The following BRCA1 variants were observed in gnomAD, a reference collection of about 807,000 sequenced individuals.
The protein encoded by BRCA1 is breast cancer type 1 susceptibility protein.
In BRCA1, 140 loss-of-function variants were observed where a neutral mutation model predicts 173.7. That is an observed-to-expected ratio of 0.81 (90% CI 0.70 to 0.93). The LOEUF (loss-of-function observed/expected upper bound fraction) is 0.93, where lower values mean the gene tolerates loss of function less well. Ranked by LOEUF, BRCA1 falls within the 40% of genes least tolerant of loss-of-function variation. BRCA1 has a pLI of 0.00. For missense variants in BRCA1, 1,983 were observed against 2,172.5 expected, an observed-to-expected ratio of 0.91 and a Z score of 1.73; for synonymous variants, 662 against 756.0, an observed-to-expected ratio of 0.88 and a Z score of 2.04.
intron 19 of BRCA1, among the ~76,000 whole-genome samples, chr17:43,054,583 G>A (rs190107337): frequency 1.4e-3 from 217 of 152,074 alleles, no homozygotes; most frequent in Non-Finnish European, 2.5e-3. Context: ...GGGAATACAA[G>A]AGTGTGCTAC....
chr17:43,125,066 G>A, intron 1 of BRCA1: 1 of 441,390 alleles, frequency 2.3e-6, no homozygotes. Context: ...CGGACACTCA[G>A]TGCCCCCTTC....
intron 1 of BRCA1, chr17:43,131,293 T>A: frequency 2.1e-6 from 1 of 481,378 alleles, no homozygotes; most frequent in Non-Finnish European, 4.1e-6. Flanking sequence ...ATGGTACTTA[T>A]TGCTAGGTGT....
chr17:43,045,080 A>G lies in BRCA1; in HGVS notation c.*598T>C. 1.9e-6 allele frequency: 1 copy of G among 525,408 alleles called. No homozygotes were observed. The highest frequency in any genetic ancestry group is 3.7e-6 in the Non-Finnish European group (1 of 270,780). The allele number at this position is 525,408 out of a possible 1,614,324, so 32.5% of individuals were successfully genotyped here. On this transcript the variant is annotated 3_prime_UTR_variant, in exon 23 of 23. Coordinates refer to ENST00000357654, the MANE Select transcript of BRCA1 (RefSeq NM_007294.4). Reference sequence around the variant, plus strand: ...TGGCCTCCCAAAGTGCTGGGATTACAGGCGTGAGCCACCATGCCCAGGTTT... The same window carrying G: ...TGGCCTCCCAAAGTGCTGGGATTACGGGCGTGAGCCACCATGCCCAGGTTT...
intron 14 of BRCA1, among the ~76,000 whole-genome samples, chr17:43,072,151 G>A (rs952380003): frequency 3.9e-5 from 6 of 152,020 alleles, no homozygotes; most frequent in East Asian, 3.9e-4. Flanking sequence ...ACTTTGGGAG[G>A]CCAAGGTGGG....
intron 2 of BRCA1, among the ~76,000 whole-genome samples, chr17:43,121,947 AC>A (rs1425874288): frequency 6.6e-6 from 1 of 152,208 alleles, no homozygotes; most frequent in African/African-American, 2.4e-5. Flanking sequence ...TTTCCTGATC[AC>A]TGATTGTCAT....
intron 6 of BRCA1, among the ~76,000 whole-genome samples, chr17:43,103,360 A>G (rs2154546761): frequency 6.6e-6 from 1 of 151,896 alleles, no homozygotes; most frequent in Non-Finnish European, 1.5e-5. Context: ...CCAACTACTC[A>G]GGAGGCTGAG....
chr17:43,060,303 A>G (rs1185311724), intron 18 of BRCA1, among the ~76,000 whole-genome samples: 1 of 151,874 alleles, frequency 6.6e-6, no homozygotes, highest in Non-Finnish European at 1.5e-5. Context: ...TGACCTCCCA[A>G]AGTGCTGGGA....
rs190843374 is a variant in BRCA1 at position 43,159,517 on chromosome 17, G to A, written c.-20+10609C>T. On this transcript the variant is annotated intron_variant, in intron 1 of 7. Transcript: ENST00000634433. ...GGAGGGGCTCCTCACTTCTCAGACG[G>A]GGCGGTTGCCAGGTAGAGGGTCTCC... The A allele has an allele frequency of 2.4e-3, 450 of 186,878 alleles. 2 individuals carry two copies. Among genetic ancestry groups the A allele is most frequent in the African/African-American group, 0.01 (429 of 41,874 alleles). The allele number at this position is 186,878 out of a possible 1,614,324, so 11.6% of individuals were successfully genotyped here. A position where few individuals can be genotyped will look rare whatever the true frequency, so the allele number is the denominator to read the frequency against.
intron 14 of BRCA1, among the ~76,000 whole-genome samples, chr17:43,073,247 G>GA (rs1056299022): frequency 1.3e-5 from 2 of 151,496 alleles, no homozygotes; most frequent in African/African-American, 4.8e-5. Context: ...TGTAAGAAAG[G>GA]AAAAAAAAGT....
At chr17:43,082,798 C>T (rs2053081838) in intron 11 of BRCA1, 2 of 581,378 alleles carry the variant, frequency 3.4e-6, no homozygotes, top group East Asian at 5.8e-5. Flanking sequence ...CCTCAAATTC[C>T]CCCAAATAGA....
At position 43,044,527 on chromosome 17, in the gene BRCA1, G is replaced by T; in HGVS notation, c.*1151C>A. 2.0e-6 allele frequency: 1 copy of T among 506,264 alleles called. No homozygotes were observed. The highest frequency in any genetic ancestry group is 3.9e-6 in the Non-Finnish European group (1 of 258,446). 31.4% of individuals were successfully genotyped at this position (506,264 alleles called of 1,614,324 possible). On this transcript the variant is annotated 3_prime_UTR_variant, in exon 23 of 23. Transcript: ENST00000357654. The stretch of plus-strand genomic sequence containing the variant: ...TATGGTTTCAGCAACAGGGAGCAAA[G>T]GAAAAAAATCACCTCAAAGAAAGCA...
intron 18 of BRCA1, among the ~76,000 whole-genome samples, chr17:43,059,185 C>T (rs369133299): frequency 7.9e-5 from 12 of 152,158 alleles, no homozygotes; most frequent in African/African-American, 1.9e-4. Flanking sequence ...TGCATCTGGC[C>T]GGGCACAGTG....
intron 22 of BRCA1, 31 bp from the exon 23 acceptor site, chr17:43,045,833 T>C (rs2152617455): frequency 6.2e-7 from 1 of 1,614,020 alleles, no homozygotes; most frequent in South Asian, 1.1e-5. Flanking sequence ...CAGAGATTAG[T>C]GTCAATTCAT....
chr17:43,111,647 C>T (rs1004936604), intron 3 of BRCA1, among the ~76,000 whole-genome samples: 1 of 151,992 alleles, frequency 6.6e-6, no homozygotes, highest in African/African-American at 2.4e-5. Context: ...CGGTGAAACC[C>T]TTTCTCTACT....
intron 12 of BRCA1, among the ~76,000 whole-genome samples, chr17:43,076,877 C>A (rs1292034698): frequency 1.3e-5 from 2 of 150,904 alleles, no homozygotes; most frequent in South Asian, 2.1e-4. Context: ...CCAGCTGAGA[C>A]AAGGCTGAAA....
At chr17:43,087,016 AAGATTT>A (rs2053254515) in intron 11 of BRCA1, among the ~76,000 whole-genome samples, 2 of 152,332 alleles carry the variant, frequency 1.3e-5, no homozygotes, top group African/African-American at 2.4e-5. Flanking sequence ...ATAGCAATGC[AAGATTT>A]AGATTTTAAA....
At chr17:43,150,187 G>A (rs187493797) in intron 1 of BRCA1, among the ~76,000 whole-genome samples, 9 of 152,216 alleles carry the variant, frequency 5.9e-5, no homozygotes, top group African/African-American at 2.2e-4. Flanking sequence ...ATGGGTCACT[G>A]CAGCCTGAAC....
At position 43,054,845 on chromosome 17, in the gene BRCA1, C is replaced by T. The variant is rs141245498; in HGVS notation, c.5277+2207G>A. 1.6e-3 allele frequency among the ~76,000 whole-genome samples: 250 copies of T among 151,992 alleles called. 1 individual carries two copies. The highest frequency in any genetic ancestry group is 5.3e-3 in the African/African-American group (221 of 41,470). On this transcript the variant is annotated intron_variant, in intron 19 of 22. Coordinates refer to ENST00000357654, the MANE Select transcript of BRCA1 (RefSeq NM_007294.4). ...GCAACCTCCGCCTCCTGGGTTCAAC[C>T]GATTCTCTAGCCTCAGCCTCCCGAG...
intron 18 of BRCA1, among the ~76,000 whole-genome samples, chr17:43,061,391 T>A (rs1251913700): frequency 6.6e-6 from 1 of 152,150 alleles, no homozygotes; most frequent in Non-Finnish European, 1.5e-5. Flanking sequence ...AATTCATCTT[T>A]ATTGTGTATC....
Sources: allele counts gnomAD v4.1 joint callset (sites outside exome capture counted in the v4.1 genomes callset), GRCh38; gene constraint gnomAD v4.1.1; transcripts MANE v1.5; gene names NCBI Gene and HGNC (gene_info 2026-07-23, HGNC 2026-07-21).